The following MRPS25 variants were observed in gnomAD, a reference collection of about 807,000 sequenced individuals.
The protein encoded by MRPS25 is mitochondrial ribosomal protein S25, also known as small ribosomal subunit protein mS25.
Under a neutral mutation model 17.3 loss-of-function variants are expected in MRPS25, and 15 were observed. That is an observed-to-expected ratio of 0.87 (90% CI 0.58 to 1.34). The LOEUF (loss-of-function observed/expected upper bound fraction) is 1.34, where lower values mean the gene tolerates loss of function less well. MRPS25 is among the 40% of genes most tolerant of loss of function. The pLI is 0.00. For missense variants in MRPS25, 225 were observed against 218.6 expected, an observed-to-expected ratio of 1.03 and a Z score of -0.19; for synonymous variants, 94 against 83.3, an observed-to-expected ratio of 1.13 and a Z score of -0.70.
Position 15,048,714 on chromosome 3 carries a change from C to T in MRPS25, c.*3727G>A, listed in dbSNP as rs2042542257. The stretch of plus-strand genomic sequence containing the variant: ...AAGTGCTGGAATATTTTTCTACAGT[C>T]TCTCTGTTCTACGGATTATCTTGTA... On this transcript the variant is annotated 3_prime_UTR_variant, in exon 4 of 4. Coordinates refer to ENST00000253686, the MANE Select transcript of MRPS25 (RefSeq NM_022497.5). 6.6e-6 allele frequency: 1 copy of T among 152,610 alleles called. No individual in the cohort carries two copies. The highest frequency in any genetic ancestry group is 1.5e-5 in the Non-Finnish European group (1 of 68,048). 9.5% of individuals were successfully genotyped at this position (152,610 alleles called of 1,614,324 possible).
chr3:15,055,113 C>G (rs2042653765), intron 2 of MRPS25, among the ~76,000 whole-genome samples: 1 of 152,164 alleles, frequency 6.6e-6, no homozygotes, highest in Admixed American at 6.6e-5. Context: ...GTGCCACACA[C>G]TTTTAAACAG....
rs745889858 is a variant in MRPS25 at position 15,051,330 on chromosome 3, C to T, written c.*1111G>A. 2.9e-4 allele frequency: 148 copies of T among 518,784 alleles called. No individual in the cohort carries two copies. Among genetic ancestry groups the T allele is most frequent in the Middle Eastern group, 2.0e-3 (2 of 1,012 alleles). The allele number at this position is 518,784 out of a possible 1,614,324, so 32.1% of individuals were successfully genotyped here. A position where few individuals can be genotyped will look rare whatever the true frequency, so the allele number is the denominator to read the frequency against. The stretch of plus-strand genomic sequence containing the variant: ...TCCCAAATAGCTGGGACTACAGACG[C>T]GAAACACCACACCCATCTAATTTTT... On this transcript the variant is annotated 3_prime_UTR_variant, in exon 4 of 4. Coordinates refer to ENST00000253686, the MANE Select transcript of MRPS25 (RefSeq NM_022497.5).
intron 2 of MRPS25, among the ~76,000 whole-genome samples, 178 bp downstream of exon 2, chr3:15,059,191 G>C (rs1291264743): frequency 6.6e-6 from 1 of 152,120 alleles, no homozygotes; most frequent in African/African-American, 2.4e-5. Flanking sequence ...GAGAGGGAAA[G>C]AGTCCAGACC....
At chr3:15,060,229 T>C (rs2042732426) in intron 1 of MRPS25, among the ~76,000 whole-genome samples, 1 of 152,100 alleles carries the variant, frequency 6.6e-6, no homozygotes. Context: ...CAAGTAGCTC[T>C]CAGCTGGGTG....
chr3:15,056,608 T>C (rs1010060793), intron 2 of MRPS25, among the ~76,000 whole-genome samples: 3 of 152,116 alleles, frequency 2.0e-5, no homozygotes, highest in Non-Finnish European at 2.9e-5. Flanking sequence ...GCTTTGAAGA[T>C]GGTAGAATAA....
In MRPS25 at chr3:15,050,620, G is replaced by T; in HGVS notation, c.*1821C>A. ...GGGGAACTGAAACCAGCAGACATGG[G>T]AGGGCTCTCTGTGGAGGAGAGCTTT... On this transcript the variant is annotated 3_prime_UTR_variant, in exon 4 of 4. Coordinates refer to ENST00000253686, the MANE Select transcript of MRPS25 (RefSeq NM_022497.5). 4.1e-6 allele frequency: 4 copies of T among 985,422 alleles called. No individual in the cohort carries two copies. Among genetic ancestry groups the T allele is most frequent in the Non-Finnish European group, 4.8e-6 (4 of 829,946 alleles). 61.0% of individuals were successfully genotyped at this position (985,422 alleles called of 1,614,324 possible).
In MRPS25 at chr3:15,065,205, G is replaced by A; in HGVS notation, c.-11C>T. The A allele has an allele frequency of 6.3e-7, 1 of 1,583,306 alleles. No homozygotes were observed. The highest frequency in any genetic ancestry group is 1.3e-5 in the African/African-American group (1 of 74,184). Reference sequence around the variant, plus strand: ...GCCCTTCATGGGCATGGCGGCAACGGTGGCGGGGCCGACCCCACGGGCCGC... The same window carrying A: ...GCCCTTCATGGGCATGGCGGCAACGATGGCGGGGCCGACCCCACGGGCCGC... On this transcript the variant is annotated 5_prime_UTR_variant, in exon 1 of 4. Transcript: ENST00000253686.
rs1456753069 is a variant in MRPS25, at chr3:15,065,073, C to A, written c.122G>T (p.Gly41Val). The change falls in exon 1 of 4, where the codon GGC becomes GTC. Residue 41 changes from glycine to valine, a missense_variant. Coordinates refer to ENST00000253686, the MANE Select transcript of MRPS25 (RefSeq NM_022497.5). ...GGCTGCGACTGACCTGGCGCCCTCG[C>A]CCAGCTCCCCATGCGTGTTGTAATT... ...TVNYNTHGEL[G>V]EGARKFVFFN... is the part of the protein sequence containing the mutation. The A allele has an allele frequency of 6.3e-7, 1 of 1,596,084 alleles. No homozygotes were observed. Among genetic ancestry groups the A allele is most frequent in the Non-Finnish European group, 8.5e-7 (1 of 1,173,032 alleles).
chr3:15,062,458 C>G (rs1175094833), intron 1 of MRPS25, among the ~76,000 whole-genome samples: 1 of 146,460 alleles, frequency 6.8e-6, no homozygotes, highest in African/African-American at 2.5e-5. Context: ...GGGGTCAGCC[C>G]CCTGCCCGGC....
chr3:15,045,656 T>A (rs929530981), downstream of MRPS25: 7 of 152,646 alleles, frequency 4.6e-5, no homozygotes, highest in African/African-American at 1.7e-4. Context: ...TCCTGTCAGG[T>A]TGGTTAAGTA....
intron 2 of MRPS25, among the ~76,000 whole-genome samples, chr3:15,055,657 C>T (rs192445189): frequency 4.6e-5 from 7 of 152,164 alleles, no homozygotes; most frequent in African/African-American, 1.7e-4. Context: ...ATAAAAACTA[C>T]TGGAAATAAG....
Position 15,051,065 on chromosome 3 carries a change from A to T in MRPS25, c.*1376T>A, listed in dbSNP as rs1200728462. The T allele has an allele frequency of 1.0e-4, 101 of 984,534 alleles. No homozygotes were observed. The highest frequency in any genetic ancestry group is 1.2e-4 in the Non-Finnish European group (100 of 829,124). The allele number at this position is 984,534 out of a possible 1,614,324, so 61.0% of individuals were successfully genotyped here. A position where few individuals can be genotyped will look rare whatever the true frequency, so the allele number is the denominator to read the frequency against. On this transcript the variant is annotated 3_prime_UTR_variant, in exon 4 of 4. Transcript: ENST00000253686. ...CTTCAGTCCTGCTCTGTCAAGCACC[A>T]CTGTCCTTTTTTAATTCTTTTAACC...
intron 2 of MRPS25, among the ~76,000 whole-genome samples, chr3:15,056,025 AAC>A (rs2042668319): frequency 6.6e-6 from 1 of 151,988 alleles, no homozygotes; most frequent in Non-Finnish European, 1.5e-5. Flanking sequence ...CATCCTGGCT[AAC>A]ACCGTGAAAC....
Position 15,051,144 on chromosome 3 carries a change from T to A in MRPS25, c.*1297A>T. On this transcript the variant is annotated 3_prime_UTR_variant, in exon 4 of 4. Coordinates refer to ENST00000253686, the MANE Select transcript of MRPS25 (RefSeq NM_022497.5). ...GTCTCCTTGGCTGAGTTTCTAGGGG[T>A]CCGTGGTCCAACTGGTCCTTCACTT... is the stretch of plus-strand genomic sequence containing the variant. 1 of 985,362 alleles carries A rather than the reference T, an allele frequency of 1.0e-6. No individual in the cohort carries two copies. The highest frequency in any genetic ancestry group is 1.7e-5 in the African/African-American group (1 of 57,340). The allele number at this position is 985,362 out of a possible 1,614,324, so 61.0% of individuals were successfully genotyped here.
Position 15,052,340 on chromosome 3 carries a change from C to A in MRPS25, c.*101G>T. 6.6e-7 allele frequency: 1 copy of A among 1,512,968 alleles called. No homozygotes were observed. The highest frequency in any genetic ancestry group is 8.8e-7 in the Non-Finnish European group (1 of 1,132,104). 93.7% of individuals were successfully genotyped at this position (1,512,968 alleles called of 1,614,324 possible). A position where few individuals can be genotyped will look rare whatever the true frequency, so the allele number is the denominator to read the frequency against. On this transcript the variant is annotated 3_prime_UTR_variant, in exon 4 of 4. Transcript: ENST00000253686. ...TTTAATGCAAAAGGATTTCCAGAGT[C>A]TCCAGGGACAGAACCAGGGGCTTCC...
At chr3:15,043,932 T>C (rs1028635733), downstream of MRPS25, 1 of 152,224 alleles carries the variant, frequency 6.6e-6, no homozygotes, top group Non-Finnish European at 1.5e-5. Flanking sequence ...GATGGAGCCT[T>C]GTGACCAAAA....
chr3:15,063,421 G>A (rs1278920638), intron 1 of MRPS25, among the ~76,000 whole-genome samples: 1 of 152,168 alleles, frequency 6.6e-6, no homozygotes, highest in Non-Finnish European at 1.5e-5. Context: ...ATGGAGGTAG[G>A]TCCCAGTGGG....
intron 1 of MRPS25, among the ~76,000 whole-genome samples, chr3:15,063,938 C>A (rs993654163): frequency 3.7e-4 from 56 of 152,086 alleles, no homozygotes; most frequent in African/African-American, 1.4e-3. Context: ...ACCCTAAGAC[C>A]AAGACCAAGT....
chr3:15,064,729 C>T (rs1419742518), intron 1 of MRPS25, among the ~76,000 whole-genome samples: 1 of 152,252 alleles, frequency 6.6e-6, no homozygotes, highest in Non-Finnish European at 1.5e-5. Context: ...CTGCGGCTGC[C>T]CCTCCCCAGC....
Sources: allele counts gnomAD v4.1 joint callset (sites outside exome capture counted in the v4.1 genomes callset), GRCh38; gene constraint gnomAD v4.1.1; transcripts MANE v1.5; gene names NCBI Gene and HGNC (gene_info 2026-07-23, HGNC 2026-07-21).